SNTG1: variants seen among roughly 807,000 people sequenced by gnomAD.
The protein encoded by SNTG1 is gamma-1-syntrophin.
In SNTG1, 39 loss-of-function variants were observed where a neutral mutation model predicts 74.7. The observed-to-expected ratio is 0.52, with a 90% CI of 0.40 to 0.68. The LOEUF (loss-of-function observed/expected upper bound fraction) is 0.68. Ranked by LOEUF, SNTG1 falls within the 30% of genes least tolerant of loss-of-function variation. SNTG1 has a pLI of 0.00. For missense variants in SNTG1, 685 were observed against 609.5 expected (o/e 1.12, Z -1.30); for synonymous variants, 254 against 217.1 (o/e 1.17, Z -1.49).
At chr8:50,014,911 G>A (rs1014729259) in intron 1 of SNTG1, among the ~76,000 whole-genome samples, 4 of 151,594 alleles carry the variant, frequency 2.6e-5, no homozygotes, top group Non-Finnish European at 4.4e-5. Context: ...TACAAGACAC[G>A]TTAAGGGGAA....
intron 18 of SNTG1, among the ~76,000 whole-genome samples, chr8:50,760,956 T>C (rs913233133): frequency 6.6e-6 from 1 of 151,972 alleles, no homozygotes; most frequent in African/African-American, 2.4e-5. Flanking sequence ...AAAGAAGAGC[T>C]GGTACCATGC....
At chr8:50,783,182 C>G (rs1224808645) in intron 18 of SNTG1, among the ~76,000 whole-genome samples, 3 of 152,196 alleles carry the variant, frequency 2.0e-5, no homozygotes. Context: ...TGCCCATTCT[C>G]AGATCTCCAG....
intron 18 of SNTG1, among the ~76,000 whole-genome samples, chr8:50,782,696 C>G (rs1470338214): frequency 2.0e-5 from 3 of 152,172 alleles, no homozygotes; most frequent in Non-Finnish European, 4.4e-5. Context: ...AAGCCTTCTT[C>G]TCTCAACTTG....
chr8:50,425,545 T>C (rs1274476603), intron 4 of SNTG1, among the ~76,000 whole-genome samples: 2 of 152,108 alleles, frequency 1.3e-5, no homozygotes. Flanking sequence ...ATTATCTCAT[T>C]ATATATTACA....
chr8:50,477,549 A>T (rs2093706654), intron 8 of SNTG1, among the ~76,000 whole-genome samples: 1 of 152,200 alleles, frequency 6.6e-6, no homozygotes, highest in South Asian at 2.1e-4. Flanking sequence ...TAGACAGAAC[A>T]ACTAAATGTA....
At chr8:50,552,996 G>A (rs150222278) in intron 11 of SNTG1, 54 bp from the exon 12 acceptor site, 2 of 1,603,088 alleles carry the variant, frequency 1.2e-6, no homozygotes, top group African/African-American at 1.3e-5. Context: ...ATTACGAGCT[G>A]CAAATAGATC....
intron 1 of SNTG1, among the ~76,000 whole-genome samples, chr8:50,026,474 C>A (rs1350408144): frequency 6.6e-6 from 1 of 152,136 alleles, no homozygotes; most frequent in Non-Finnish European, 1.5e-5. Context: ...AAGGTTCAAA[C>A]TCCCTGTTGA....
chr8:50,759,069 T>C (rs557910952), intron 18 of SNTG1, among the ~76,000 whole-genome samples: 6 of 152,298 alleles, frequency 3.9e-5, no homozygotes, highest in Non-Finnish European at 5.9e-5. Context: ...CCAGTGAAGA[T>C]GAGCATTTTT....
In SNTG1 at chr8:50,498,600, C is replaced by T. The variant is rs187053886; in HGVS notation, c.364-4178C>T. On this transcript the variant is annotated intron_variant, in intron 8 of 18. Coordinates refer to ENST00000642720, the MANE Select transcript of SNTG1 (RefSeq NM_018967.5). ...AGAATGGTTCAATTTTGATTACTCC[C>T]AACTTAACAATTTGTGTTTTTATTG... 1.2e-3 allele frequency among the ~76,000 whole-genome samples: 185 copies of T among 151,938 alleles called. 1 individual carries two copies. The highest frequency in any genetic ancestry group is 4.2e-3 in the African/African-American group (175 of 41,556).
At chr8:50,576,589 C>T (rs1426146277) in intron 12 of SNTG1, among the ~76,000 whole-genome samples, 1 of 151,994 alleles carries the variant, frequency 6.6e-6, no homozygotes, top group African/African-American at 2.4e-5. Flanking sequence ...ATCTTCACAT[C>T]TATGAAGATG....
rs572589701 is a variant in SNTG1, at chr8:50,264,854, A to G, written c.-28+92219A>G. 1.5e-4 allele frequency among the ~76,000 whole-genome samples: 23 copies of G among 152,088 alleles called. No homozygotes were observed. The South Asian group carries it at 4.8e-3, about 32-fold the overall frequency. ...AGAAGGTAAGAGAATACTATAAAAAACTCTATGTCAACAAATTAGATAATT... is the reference window on the plus strand; with the variant it reads ...AGAAGGTAAGAGAATACTATAAAAAGCTCTATGTCAACAAATTAGATAATT... On this transcript the variant is annotated intron_variant, in intron 2 of 18. Transcript: ENST00000642720.
At chr8:50,165,428 A>C (rs1374910867) in intron 1 of SNTG1, among the ~76,000 whole-genome samples, 1 of 152,234 alleles carries the variant, frequency 6.6e-6, no homozygotes, top group Non-Finnish European at 1.5e-5. Flanking sequence ...AAACGTATCC[A>C]AAAATTATTT....
At chr8:50,720,184 C>T (rs946679404) in intron 17 of SNTG1, among the ~76,000 whole-genome samples, 1 of 152,202 alleles carries the variant, frequency 6.6e-6, no homozygotes, top group Non-Finnish European at 1.5e-5. Context: ...ATTTTAGTCT[C>T]ACACCTTTGT....
intron 8 of SNTG1, among the ~76,000 whole-genome samples, chr8:50,469,850 A>G (rs1374320742): frequency 1.3e-5 from 2 of 152,098 alleles, no homozygotes; most frequent in East Asian, 1.9e-4. Flanking sequence ...GTGGTGGCGT[A>G]TGTCTATAAT....
At chr8:50,673,176 A>G (rs977951637) in intron 15 of SNTG1, among the ~76,000 whole-genome samples, 75 of 152,170 alleles carry the variant, frequency 4.9e-4, no homozygotes, top group African/African-American at 1.6e-3. Flanking sequence ...CTTTGATTTC[A>G]CATGAAATTT....
chr8:49,912,764 G>A (rs1805691936), intron 1 of SNTG1, among the ~76,000 whole-genome samples: 2 of 152,098 alleles, frequency 1.3e-5, no homozygotes, highest in Non-Finnish European at 2.9e-5. Context: ...CTTACGTAAG[G>A]AGACACTCAT....
intron 12 of SNTG1, among the ~76,000 whole-genome samples, chr8:50,582,327 G>A (rs765781667): frequency 6.6e-5 from 10 of 152,138 alleles, no homozygotes; most frequent in Non-Finnish European, 1.2e-4. Context: ...GTGCAAGTCG[G>A]TGCAGTATAG....
intron 2 of SNTG1, among the ~76,000 whole-genome samples, chr8:50,372,957 T>C (rs562296497): frequency 8.9e-4 from 136 of 152,354 alleles, no homozygotes; most frequent in Admixed American, 9.8e-4. Context: ...TGTGTTATAC[T>C]GAAAAATATT....
At chr8:50,032,084 T>C (rs1817784737) in intron 1 of SNTG1, among the ~76,000 whole-genome samples, 4 of 152,174 alleles carry the variant, frequency 2.6e-5, no homozygotes, top group Non-Finnish European at 5.9e-5. Context: ...TAGAGTTGTT[T>C]ATAGTAATTC....
Sources: allele counts gnomAD v4.1 joint callset (sites outside exome capture counted in the v4.1 genomes callset), GRCh38; gene constraint gnomAD v4.1.1; transcripts MANE v1.5; gene names NCBI Gene and HGNC (gene_info 2026-07-23, HGNC 2026-07-21).